SSH2: variants seen among roughly 807,000 people sequenced by gnomAD.
SSH2 encodes the protein protein phosphatase Slingshot homolog 2.
A neutral mutation model predicts 135.2 loss-of-function variants in SSH2; 37 were observed. The observed-to-expected ratio is 0.27, with a 90% CI of 0.21 to 0.36. SSH2 has a LOEUF of 0.36. Ranked by LOEUF, SSH2 falls within the 10% of genes least tolerant of loss-of-function variation. SSH2 has a pLI of 1.00. For missense variants in SSH2, 1,408 were observed against 1,765.3 expected (o/e 0.80, Z 3.63); for synonymous variants, 628 against 646.2 (o/e 0.97, Z 0.43).
intron 2 of SSH2, among the ~76,000 whole-genome samples, chr17:29,796,744 AC>A (rs1417281056): frequency 6.6e-6 from 1 of 152,006 alleles, no homozygotes; most frequent in African/African-American, 2.4e-5. Context: ...TGATATCAGT[AC>A]ATCTGCCTTT....
At position 29,631,856 on chromosome 17, in the gene SSH2, T is replaced by A. The variant is rs117660666; in HGVS notation, c.3338A>T (p.His1113Leu). The change falls in exon 16 of 16, where the codon CAC (histidine) becomes CTC (leucine). Residue 1113 changes from histidine to leucine, a missense_variant. Physicochemically the swap from His to Leu is moderately conservative, Grantham distance 99 (BLOSUM62 -3). Around this residue, in one of 3 missense-constraint regions of SSH2, gnomAD observed 1,080 missense variants for 1,144.5 expected, o/e 0.94. Coordinates refer to ENST00000540801, the MANE Select transcript of SSH2 (RefSeq NM_001282129.2). ...GGTTGGATGGTCAGTGGGTCTGTTG[T>A]GCTCAGGGGAGGAAGAATGAGGCAG... ...LPLPHSSSPEHNRPTDHPTSI... is the reference protein window; with the variant it reads ...LPLPHSSSPELNRPTDHPTSI... The A allele has an allele frequency of 1.7e-3, 2,744 of 1,614,230 alleles. 6 individuals are homozygous for A. The highest frequency in any genetic ancestry group is 2.2e-3 in the Non-Finnish European group (2,573 of 1,180,040).
chr17:29,763,832 T>G (rs1021800713), intron 3 of SSH2, among the ~76,000 whole-genome samples: 1 of 152,150 alleles, frequency 6.6e-6, no homozygotes, highest in Admixed American at 6.6e-5. Context: ...TCTGTTCAGC[T>G]AAGGAGGCTA....
chr17:29,661,484 T>C (rs1313340784), intron 11 of SSH2, among the ~76,000 whole-genome samples: 2 of 152,188 alleles, frequency 1.3e-5, no homozygotes, highest in Non-Finnish European at 2.9e-5. Context: ...TGAAGTTCCA[T>C]TTAGGAAAAG....
chr17:29,671,292 A>G (rs1363719348), intron 9 of SSH2, among the ~76,000 whole-genome samples: 2 of 152,220 alleles, frequency 1.3e-5, no homozygotes, highest in African/African-American at 4.8e-5. Context: ...AGCCTGGGCA[A>G]CATAGTGAGA....
In SSH2 at chr17:29,632,838, T is replaced by A. The variant is rs1383571891; in HGVS notation, c.2356A>T (p.Ile786Phe). The A allele has an allele frequency of 6.2e-7, 1 of 1,614,102 alleles. No individual in the cohort carries two copies. The highest frequency in any genetic ancestry group is 1.3e-5 in the African/African-American group (1 of 74,930). ...TGAATCTGCCCAACTCCTTGACTGATGGACTCAATTTCAGTGACAATTTCT... is the reference window on the plus strand; with the variant it reads ...TGAATCTGCCCAACTCCTTGACTGAAGGACTCAATTTCAGTGACAATTTCT... ...VKEIVTEIES[I>F]SQGVGQIQLK... The change falls in exon 16 of 16, where the codon ATC (isoleucine) becomes TTC (phenylalanine). Residue 786 changes from isoleucine to phenylalanine, a missense_variant. Ile to Phe is a conservative substitution (Grantham distance 21). Coordinates refer to ENST00000540801, the MANE Select transcript of SSH2 (RefSeq NM_001282129.2).
At chr17:29,741,840 T>C (rs536737212) in intron 3 of SSH2, among the ~76,000 whole-genome samples, 1 of 151,994 alleles carries the variant, frequency 6.6e-6, no homozygotes, top group Non-Finnish European at 1.5e-5. Flanking sequence ...GGTGTTGAAT[T>C]CCTGACCTCG....
intron 5 of SSH2, among the ~76,000 whole-genome samples, chr17:29,690,861 T>C (rs538766537): frequency 7.8e-4 from 118 of 152,102 alleles, no homozygotes; most frequent in African/African-American, 2.8e-3. Flanking sequence ...CAAAAAGGTA[T>C]TTCTATTTTT....
Position 29,868,613 on chromosome 17 carries a change from C to T in SSH2, c.64-19684G>A, listed in dbSNP as rs189440886. On this transcript the variant is annotated intron_variant, in intron 1 of 15. Coordinates refer to ENST00000540801, the MANE Select transcript of SSH2 (RefSeq NM_001282129.2). ...ATTAGCTGGGCGTGGCAGCTTGTGC[C>T]TGTAGTCCCAGCCACTTGGGAGGCT... 1.4e-3 allele frequency among the ~76,000 whole-genome samples: 206 copies of T among 152,166 alleles called. 1 individual carries two copies. Among genetic ancestry groups the T allele is most frequent in the Admixed American group, 0.013 (194 of 15,288 alleles).
At chr17:29,911,755 A>T (rs898529847) in intron 1 of SSH2, among the ~76,000 whole-genome samples, 1 of 152,228 alleles carries the variant, frequency 6.6e-6, no homozygotes, top group African/African-American at 2.4e-5. Context: ...CCATATAATA[A>T]AATGACTGAT....
intron 1 of SSH2, among the ~76,000 whole-genome samples, chr17:29,892,162 C>T (rs935035214): frequency 6.6e-6 from 1 of 151,896 alleles, no homozygotes; most frequent in Non-Finnish European, 1.5e-5. Context: ...CTTATAGTCT[C>T]CCAAGTAGCT....
chr17:29,883,077 T>C (rs1227285435), intron 1 of SSH2: 1 of 151,940 alleles, frequency 6.6e-6, no homozygotes, highest in East Asian at 1.9e-4. Flanking sequence ...CCCTTAAACC[T>C]TGTTACAATA....
chr17:29,920,536 A>G (rs1377723955), intron 1 of SSH2, among the ~76,000 whole-genome samples: 1 of 152,234 alleles, frequency 6.6e-6, no homozygotes, highest in African/African-American at 2.4e-5. Context: ...GTATTTGGGA[A>G]TTTAGTACTT....
At chr17:29,652,279 T>C (rs891124089) in intron 12 of SSH2, among the ~76,000 whole-genome samples, 1 of 152,198 alleles carries the variant, frequency 6.6e-6, no homozygotes, top group Admixed American at 6.5e-5. Context: ...TAAGCCCATC[T>C]GAAAACTTGT....
At chr17:29,681,237 A>C (rs2151070135) in intron 6 of SSH2, among the ~76,000 whole-genome samples, 1 of 139,898 alleles carries the variant, frequency 7.1e-6, no homozygotes, top group East Asian at 2.4e-4. Flanking sequence ...TGGGAGGCTG[A>C]GGCAGGAGAA....
At chr17:29,888,528 A>G (rs55974138) in intron 1 of SSH2, among the ~76,000 whole-genome samples, 63,134 of 151,950 alleles carry the variant, frequency 0.42, 15,099 homozygotes, top group East Asian at 0.69. Context: ...TGGAATCCGT[A>G]TAAGTGTAAA....
intron 2 of SSH2, among the ~76,000 whole-genome samples, chr17:29,835,960 A>G (rs960513429): frequency 6.9e-6 from 1 of 144,934 alleles, no homozygotes; most frequent in Non-Finnish European, 1.5e-5. Context: ...CTTCGTCTCA[A>G]AAAAAAAAAA....
intron 2 of SSH2, among the ~76,000 whole-genome samples, chr17:29,807,750 G>A (rs1433094239): frequency 6.6e-6 from 1 of 151,358 alleles, no homozygotes; most frequent in Non-Finnish European, 1.5e-5. Context: ...CAGGAGACAG[G>A]ACTTTGAACC....
At chr17:29,885,648 T>C (rs2066224438) in intron 1 of SSH2, among the ~76,000 whole-genome samples, 1 of 152,198 alleles carries the variant, frequency 6.6e-6, no homozygotes, top group African/African-American at 2.4e-5. Context: ...GGTTTGGGTA[T>C]GTACCCACCT....
chr17:29,827,871 G>C (rs1406797836), intron 2 of SSH2, among the ~76,000 whole-genome samples: 1 of 151,818 alleles, frequency 6.6e-6, no homozygotes, highest in Non-Finnish European at 1.5e-5. Context: ...TAGTAGTAAT[G>C]CTATCTAATA....
Sources: gnomAD v4.1 joint callset for allele counts (sites outside exome capture counted in the v4.1 genomes callset) on GRCh38, gnomAD v4.1.1 for gene constraint, gnomAD v4.1.1 regional missense constraint, MANE v1.5 for transcripts, NCBI Gene and HGNC (gene_info 2026-07-23, HGNC 2026-07-21) for gene names.